ANKRD11: variants seen among roughly 807,000 people sequenced by gnomAD.
ANKRD11 encodes the protein ankyrin repeat domain-containing protein 11.
ANKRD11 carries 17 observed loss-of-function variants against 195.7 expected under a neutral mutation model. That is an observed-to-expected ratio of 0.09 (90% CI 0.06 to 0.13). ANKRD11 has a LOEUF of 0.13. Ranked by LOEUF, ANKRD11 falls within the 10% of genes least tolerant of loss-of-function variation. The pLI is 1.00. For missense variants in ANKRD11, 3,735 were observed against 3,566.1 expected, an observed-to-expected ratio of 1.05 and a Z score of -1.21; for synonymous variants, 1,953 against 1,528.1, an observed-to-expected ratio of 1.28 and a Z score of -6.49.
chr16:89,274,664 G>A, intron 11 of ANKRD11, 150 bp downstream of exon 11: 1 of 1,206,368 alleles, frequency 8.3e-7, no homozygotes, highest in Non-Finnish European at 1.2e-6. Context: ...CTCGCCCAAG[G>A]CTAGAGGCAT....
At chr16:89,369,113 G>A (rs2040080424) in intron 2 of ANKRD11, among the ~76,000 whole-genome samples, 1 of 152,040 alleles carries the variant, frequency 6.6e-6, no homozygotes, top group Non-Finnish European at 1.5e-5. Context: ...GCTCTGGCCT[G>A]ACAATCTACC....
At chr16:89,409,989 G>A (rs568078761) in intron 2 of ANKRD11, among the ~76,000 whole-genome samples, 252 of 152,058 alleles carry the variant, frequency 1.7e-3, no homozygotes, top group African/African-American at 5.6e-3. Context: ...ACAGGCGCCC[G>A]CCACCACGCC....
chr16:89,292,287 C>A (rs1433123475), intron 4 of ANKRD11, among the ~76,000 whole-genome samples: 1 of 152,208 alleles, frequency 6.6e-6, no homozygotes, highest in African/African-American at 2.4e-5. Flanking sequence ...GGTGTTTGAT[C>A]CTACAGAGGT....
intron 1 of ANKRD11, among the ~76,000 whole-genome samples, chr16:89,461,418 G>T (rs895688931): frequency 6.6e-6 from 1 of 152,112 alleles, no homozygotes; most frequent in Non-Finnish European, 1.5e-5. Flanking sequence ...TGGTACAAAT[G>T]GTCAATTTTA....
At chr16:89,325,874 C>A (rs1207147618) in intron 2 of ANKRD11, among the ~76,000 whole-genome samples, 1 of 152,178 alleles carries the variant, frequency 6.6e-6, no homozygotes, top group Non-Finnish European at 1.5e-5. Flanking sequence ...AGGGCCCCAT[C>A]GCCCTGCTAG....
At chr16:89,425,973 C>T (rs143598435) in intron 1 of ANKRD11, among the ~76,000 whole-genome samples, 97 of 152,266 alleles carry the variant, frequency 6.4e-4, no homozygotes, top group African/African-American at 2.1e-3. Context: ...GAATGCAGAA[C>T]GAGAACAAGG....
intron 1 of ANKRD11, among the ~76,000 whole-genome samples, chr16:89,475,649 G>A (rs2152359792): frequency 6.6e-6 from 1 of 152,226 alleles, no homozygotes; most frequent in Admixed American, 6.5e-5. Context: ...CAGTACTACA[G>A]CAAGTCAACA....
intron 2 of ANKRD11, among the ~76,000 whole-genome samples, chr16:89,350,028 A>G (rs1273086363): frequency 6.6e-6 from 1 of 152,208 alleles, no homozygotes; most frequent in Non-Finnish European, 1.5e-5. Context: ...ATGAAAGTGA[A>G]GACACATGCT....
chr16:89,489,003 C>G (rs189014109), intron 1 of ANKRD11: 9 of 152,270 alleles, frequency 5.9e-5, no homozygotes, highest in African/African-American at 2.2e-4. Context: ...CAAGCCTCTT[C>G]CAAAACTTCT....
chr16:89,437,678 C>T (rs981990426), intron 1 of ANKRD11, among the ~76,000 whole-genome samples: 2 of 152,200 alleles, frequency 1.3e-5, no homozygotes, highest in Non-Finnish European at 2.9e-5. Context: ...CCAGCTCTCT[C>T]CGGCTCTTCC....
chr16:89,488,792 A>G (rs556628804), intron 1 of ANKRD11, among the ~76,000 whole-genome samples: 1 of 152,338 alleles, frequency 6.6e-6, no homozygotes, highest in African/African-American at 2.4e-5. Flanking sequence ...TTCAAGTGTT[A>G]AGGATATTGC....
chr16:89,355,946 C>T (rs529165502), intron 2 of ANKRD11, among the ~76,000 whole-genome samples: 1 of 152,274 alleles, frequency 6.6e-6, no homozygotes, highest in South Asian at 2.1e-4. Flanking sequence ...AAGTGACTCG[C>T]CCAAGACCAC....
intron 3 of ANKRD11, among the ~76,000 whole-genome samples, chr16:89,308,782 C>T (rs955705649): frequency 3.3e-5 from 5 of 152,298 alleles, no homozygotes; most frequent in South Asian, 2.1e-4. Flanking sequence ...AATGGAATAC[C>T]GCAGGGGGTG....
At chr16:89,387,202 C>T (rs1267828089) in intron 2 of ANKRD11, among the ~76,000 whole-genome samples, 4 of 151,598 alleles carry the variant, frequency 2.6e-5, no homozygotes, top group Non-Finnish European at 4.4e-5. Context: ...AGCAAGGAAA[C>T]ACACAGGAAG....
intron 12 of ANKRD11, among the ~76,000 whole-genome samples, chr16:89,268,946 G>A (rs1050834832): frequency 6.6e-6 from 1 of 152,226 alleles, no homozygotes; most frequent in Non-Finnish European, 1.5e-5. Context: ...GGTGGGCCTG[G>A]GACTCACCTC....
At chr16:89,307,119 C>T (rs1212502930) in intron 3 of ANKRD11, among the ~76,000 whole-genome samples, 1 of 152,150 alleles carries the variant, frequency 6.6e-6, no homozygotes, top group Non-Finnish European at 1.5e-5. Flanking sequence ...ACACACACTG[C>T]CTTTCCCCAT....
chr16:89,278,125 G>A (rs141148713), intron 9 of ANKRD11: 1 of 251,480 alleles, frequency 4.0e-6, no homozygotes, highest in African/African-American at 2.3e-5. Context: ...GGAGTCGCGT[G>A]GTCTGGGAGG....
chr16:89,464,132 G>A (rs1334651576), intron 1 of ANKRD11, among the ~76,000 whole-genome samples: 1 of 151,754 alleles, frequency 6.6e-6, no homozygotes, highest in Non-Finnish European at 1.5e-5. Flanking sequence ...CCAGCTACTC[G>A]GGAGGCTGAG....
intron 2 of ANKRD11, among the ~76,000 whole-genome samples, chr16:89,366,295 C>A (rs560594018): frequency 1.3e-5 from 2 of 152,062 alleles, no homozygotes; most frequent in South Asian, 2.1e-4. Context: ...GACATTCGCC[C>A]GCATGTGTCT....
Sources: gnomAD v4.1 joint callset for allele counts (sites outside exome capture counted in the v4.1 genomes callset) on GRCh38, gnomAD v4.1.1 for gene constraint, MANE v1.5 for transcripts, NCBI Gene and HGNC (gene_info 2026-07-23, HGNC 2026-07-21) for gene names.